Variants in SETD7 observed in about 807,000 individuals in gnomAD.
SETD7 encodes the protein histone-lysine N-methyltransferase SETD7.
In SETD7, 16 loss-of-function variants were observed where a neutral mutation model predicts 41.8. The ratio of observed to expected loss-of-function variants is 0.38; its 90% CI spans 0.26 to 0.58. The LOEUF (loss-of-function observed/expected upper bound fraction) is 0.58. Among genes scored for constraint, SETD7 ranks in the 20% least tolerant of loss-of-function variants. The pLI is 0.64. For missense variants in SETD7, 346 were observed against 459.7 expected (o/e 0.75, Z 2.26); for synonymous variants, 163 against 169.7 (o/e 0.96, Z 0.31).
intron 4 of SETD7, among the ~76,000 whole-genome samples, chr4:139,527,532 T>C (rs1360073352): frequency 6.6e-6 from 1 of 152,190 alleles, no homozygotes; most frequent in African/African-American, 2.4e-5. Flanking sequence ...CACTCCAGTC[T>C]GGGCAACAGA....
At chr4:139,530,291 C>A (rs1727446290) in intron 3 of SETD7, among the ~76,000 whole-genome samples, 1 of 149,542 alleles carries the variant, frequency 6.7e-6, no homozygotes, top group South Asian at 2.1e-4. Flanking sequence ...ACTTGAGGAT[C>A]TAGGAACAGC....
Position 139,555,457 on chromosome 4 carries a change from G to T in SETD7, c.40+641C>A, listed in dbSNP as rs1414842870. 6.6e-6 allele frequency among the ~76,000 whole-genome samples: 1 copy of T among 152,144 alleles called. No individual in the cohort carries two copies. The highest frequency in any genetic ancestry group is 1.5e-5 in the Non-Finnish European group (1 of 68,028). On this transcript the variant is annotated intron_variant, in intron 1 of 7. Transcript: ENST00000274031. This position sits in a 1 kb window ranked among gnomAD's most constrained non-coding sequence, Gnocchi z 4.0. The stretch of plus-strand genomic sequence containing the variant: ...TTCGCTCGGGGGCAGCTGAGGGGAG[G>T]GCTGCCCGCCTCCCGGACGGCGCAC...
intron 2 of SETD7, among the ~76,000 whole-genome samples, chr4:139,541,982 A>G (rs999347780): frequency 5.3e-5 from 8 of 152,244 alleles, no homozygotes; most frequent in Non-Finnish European, 1.5e-5. Context: ...TATGAAATCA[A>G]CCCAAGTTTC....
At chr4:139,498,697 C>T (rs978782888) in intron 7 of SETD7, among the ~76,000 whole-genome samples, 2 of 152,134 alleles carry the variant, frequency 1.3e-5, no homozygotes, top group Admixed American at 1.3e-4. Flanking sequence ...TCTCTGAGTC[C>T]CATCCTTCCC....
At chr4:139,504,415 C>T (rs1472926490), downstream of SETD7, among the ~76,000 whole-genome samples, 2 of 152,154 alleles carry the variant, frequency 1.3e-5, no homozygotes, top group East Asian at 3.9e-4. Context: ...TGCAAGGTAA[C>T]AGTCATTTTC....
intron 2 of SETD7, among the ~76,000 whole-genome samples, chr4:139,535,725 T>C (rs1727620048): frequency 6.6e-6 from 1 of 152,144 alleles, no homozygotes; most frequent in African/African-American, 2.4e-5. Context: ...TCTTAAGGCA[T>C]TGGAAAGCAA....
chr4:139,498,447 C>T (rs757490506), intron 7 of SETD7, among the ~76,000 whole-genome samples: 17 of 152,188 alleles, frequency 1.1e-4, no homozygotes, highest in Non-Finnish European at 2.1e-4. Flanking sequence ...ACTGCCTCTC[C>T]ATTTCTTCCT....
chr4:139,549,964 G>A (rs112233043), intron 1 of SETD7, among the ~76,000 whole-genome samples: 6 of 152,124 alleles, frequency 3.9e-5, no homozygotes, highest in East Asian at 1.9e-4. Context: ...ATTTTTAGTA[G>A]AGATGAGGTT....
chr4:139,537,098 C>T (rs1200409080), intron 2 of SETD7, among the ~76,000 whole-genome samples: 1 of 152,220 alleles, frequency 6.6e-6, no homozygotes, highest in Non-Finnish European at 1.5e-5. Flanking sequence ...GCCTCAGCCT[C>T]CCAAATAGCC....
At chr4:139,527,129 C>T (rs907983358) in intron 4 of SETD7, among the ~76,000 whole-genome samples, 8 of 152,212 alleles carry the variant, frequency 5.3e-5, no homozygotes, top group Admixed American at 1.3e-4. Context: ...ATAAATGGTA[C>T]AGCCTATTGC....
At position 139,539,395 on chromosome 4, in the gene SETD7, T is replaced by A. The variant is rs112780271; in HGVS notation, c.171-6029A>T. ...TAAGCAAAGAGCAGCAACAAGGAGA[T>A]GCAACCCATCTGCTAGAACTATTTC... is the stretch of plus-strand genomic sequence containing the variant. On this transcript the variant is annotated intron_variant, in intron 2 of 7. Coordinates refer to ENST00000274031, the MANE Select transcript of SETD7 (RefSeq NM_030648.4). 7.4e-3 allele frequency among the ~76,000 whole-genome samples: 1,126 copies of A among 152,342 alleles called. 17 individuals are homozygous for A. The highest frequency in any genetic ancestry group is 0.026 in the African/African-American group (1,078 of 41,580).
At chr4:139,495,368 G>T (rs118184335), downstream of SETD7, among the ~76,000 whole-genome samples, 1,978 of 152,296 alleles carry the variant, frequency 0.013, 20 homozygotes, top group East Asian at 0.048. Context: ...ATTGCTTAGT[G>T]AGTAGGAAAT....
chr4:139,502,283 T>C (rs1421905034), downstream of SETD7, among the ~76,000 whole-genome samples: 1 of 152,156 alleles, frequency 6.6e-6, no homozygotes, highest in African/African-American at 2.4e-5. Flanking sequence ...CAACATAATA[T>C]AACTAAGTTC....
downstream of SETD7, among the ~76,000 whole-genome samples, chr4:139,493,791 T>C (rs1274927609): frequency 6.6e-6 from 1 of 152,164 alleles, no homozygotes; most frequent in Non-Finnish European, 1.5e-5. Context: ...CCACCCACCT[T>C]GGCCTCCCAG....
At chr4:139,496,606 G>A in intron 7 of SETD7, 1 of 628,154 alleles carries the variant, frequency 1.6e-6, no homozygotes. Context: ...TGAAAAGCCA[G>A]AAAGGAGACT....
chr4:139,523,858 A>G (rs1043621630), intron 4 of SETD7, among the ~76,000 whole-genome samples: 1 of 152,214 alleles, frequency 6.6e-6, no homozygotes, highest in African/African-American at 2.4e-5. Context: ...TGTCTCCTTC[A>G]CTAAGAATAA....
Position 139,506,992 on chromosome 4 carries a change from C to T in SETD7, c.*4671G>A, listed in dbSNP as rs1189781916. On this transcript the variant is annotated 3_prime_UTR_variant, in exon 8 of 8. Coordinates refer to ENST00000274031, the MANE Select transcript of SETD7 (RefSeq NM_030648.4). The stretch of plus-strand genomic sequence containing the variant: ...AGAAATGGGCCCCTTGCCAGATGCT[C>T]CCCTCTCCTTCCTCTCTGCGAGGCA... 6.6e-5 allele frequency: 10 copies of T among 152,656 alleles called. No individual in the cohort carries two copies. The highest frequency in any genetic ancestry group is 5.9e-4 in the Admixed American group (9 of 15,274). 9.5% of individuals were successfully genotyped at this position (152,656 alleles called of 1,614,324 possible).
chr4:139,518,292 C>T lies in SETD7; in HGVS notation c.763-250G>A, dbSNP rs1041211411. Among the ~76,000 whole-genome samples, 17 of 152,106 alleles carry T rather than the reference C, an allele frequency of 1.1e-4. 1 individual carries two copies. The highest frequency in any genetic ancestry group is 4.1e-4 in the African/African-American group (17 of 41,416). ...TACAGGTGTGCACCACCATGCCTGGCTAGTTTTTGTATATTTTGTAGAGAC... is the reference window on the plus strand; with the variant it reads ...TACAGGTGTGCACCACCATGCCTGGTTAGTTTTTGTATATTTTGTAGAGAC... On this transcript the variant is annotated intron_variant, in intron 6 of 7. Coordinates refer to ENST00000274031, the MANE Select transcript of SETD7 (RefSeq NM_030648.4).
chr4:139,519,477 C>T (rs899335128), intron 6 of SETD7, among the ~76,000 whole-genome samples: 2 of 152,212 alleles, frequency 1.3e-5, no homozygotes, highest in African/African-American at 2.4e-5. Context: ...AGAAGTCTGG[C>T]CTTTGCATGG....
Sources: gnomAD v4.1 joint callset for allele counts (sites outside exome capture counted in the v4.1 genomes callset) on GRCh38, gnomAD v4.1.1 for gene constraint, Gnocchi (gnomAD v3.1) non-coding constraint, MANE v1.5 for transcripts, NCBI Gene and HGNC (gene_info 2026-07-23, HGNC 2026-07-21) for gene names.